Variants in CREB5 observed in about 807,000 individuals in gnomAD.
CREB5 encodes the protein cAMP responsive element binding protein 5.
Under a neutral mutation model 57.1 loss-of-function variants are expected in CREB5, and 19 were observed. That is an observed-to-expected ratio of 0.33 (90% confidence interval 0.23 to 0.49). CREB5 has a LOEUF of 0.49. CREB5 is among the 20% of genes least tolerant of loss of function. The probability of loss-of-function intolerance (pLI) is 0.99; values close to 1 mark genes in which losing one functional copy is unlikely to be tolerated. For synonymous variants in CREB5, 238 were observed against 238.3 expected, an observed-to-expected ratio of 1.00 and a Z score of 0.01; for missense variants, 579 against 671.6, an observed-to-expected ratio of 0.86 and a Z score of 1.52.
chr7:28,735,664 A>AG (rs760045071), intron 7 of CREB5, among the ~76,000 whole-genome samples: 1 of 152,254 alleles, frequency 6.6e-6, no homozygotes, highest in African/African-American at 2.4e-5. Context: ...AGGCTCCCTG[A>AG]GGGGGAGGGA....
rs183022867 is a variant in CREB5 at position 28,637,590 on chromosome 7, C to A, written c.464+67053C>A. Among the ~76,000 whole-genome samples the A allele has an allele frequency of 7.2e-4, 109 of 152,210 alleles. 1 individual carries two copies. Among genetic ancestry groups the A allele is most frequent in the Admixed American group, 2.7e-3 (41 of 15,280 alleles). ...TAGGAAAAGCTTTTCTGGAAAGTGACGTTTCAGATGAGACCCCAAGGATCA... is the reference window on the plus strand; with the variant it reads ...TAGGAAAAGCTTTTCTGGAAAGTGAAGTTTCAGATGAGACCCCAAGGATCA... On this transcript the variant is annotated intron_variant, in intron 5 of 10. Transcript: ENST00000357727.
rs774339069 is a variant in CREB5, at chr7:28,686,121, A to C, written c.465-32632A>C. The stretch of plus-strand genomic sequence containing the variant: ...CTCAAGCTAGTTAAGCTTTGGCTCA[A>C]ATTCTACACACACTCATTCCAGAGC... On this transcript the variant is annotated intron_variant, in intron 5 of 10. Transcript: ENST00000357727. 3.1e-6 allele frequency: 5 copies of C among 1,612,564 alleles called. No homozygotes were observed. The South Asian group carries it at 5.5e-5, about 18-fold the overall frequency.
chr7:28,485,601 G>T (rs1441604889), intron 1 of CREB5, among the ~76,000 whole-genome samples: 1 of 152,080 alleles, frequency 6.6e-6, no homozygotes, highest in Non-Finnish European at 1.5e-5. Flanking sequence ...AAGGAATGCG[G>T]TTGCTGAAGT....
chr7:28,550,305 C>T (rs1487796555), intron 4 of CREB5, among the ~76,000 whole-genome samples: 1 of 152,268 alleles, frequency 6.6e-6, no homozygotes, highest in African/African-American at 2.4e-5. Flanking sequence ...AAACACTAAA[C>T]ACCAAGCCTA....
chr7:28,529,610 A>G (rs1321295710), intron 4 of CREB5, among the ~76,000 whole-genome samples: 1 of 152,218 alleles, frequency 6.6e-6, no homozygotes, highest in Admixed American at 6.5e-5. Flanking sequence ...GTGGGAAAAT[A>G]AAGAACAAAA....
chr7:28,816,595 A>T (rs1007707053), intron 9 of CREB5, among the ~76,000 whole-genome samples: 1 of 138,962 alleles, frequency 7.2e-6, no homozygotes, highest in Non-Finnish European at 1.6e-5. Flanking sequence ...TTTGTTATTA[A>T]TGTTACTCAA....
chr7:28,646,883 AGG>A (rs1197802004), intron 5 of CREB5, among the ~76,000 whole-genome samples: 1 of 152,056 alleles, frequency 6.6e-6, no homozygotes, highest in African/African-American at 2.4e-5. Context: ...GTACAACAAC[AGG>A]AGCAACAATA....
At chr7:28,459,052 C>T (rs177580) in intron 1 of CREB5, among the ~76,000 whole-genome samples, 68,716 of 151,964 alleles carry the variant, frequency 0.45, 15,850 homozygotes, top group South Asian at 0.54. Context: ...CCTGCCAAGA[C>T]GAACTGTAGC....
At chr7:28,634,418 T>A (rs1302220107) in intron 5 of CREB5, among the ~76,000 whole-genome samples, 1 of 152,220 alleles carries the variant, frequency 6.6e-6, no homozygotes, top group Non-Finnish European at 1.5e-5. Flanking sequence ...AAAAATATTT[T>A]AAAATGTATA....
chr7:28,645,081 C>T (rs1562546427), intron 5 of CREB5, among the ~76,000 whole-genome samples: 1 of 152,112 alleles, frequency 6.6e-6, no homozygotes, highest in Non-Finnish European at 1.5e-5. Context: ...CTGATTGCAG[C>T]CCCCCAACCC....
At chr7:28,658,908 C>T (rs1408262329) in intron 5 of CREB5, among the ~76,000 whole-genome samples, 1 of 128,416 alleles carries the variant, frequency 7.8e-6, no homozygotes, top group East Asian at 2.4e-4. Flanking sequence ...TTGACTCGGT[C>T]TCTAATCTTT....
At chr7:28,603,889 T>C (rs1376681168) in intron 5 of CREB5, among the ~76,000 whole-genome samples, 3 of 152,170 alleles carry the variant, frequency 2.0e-5, no homozygotes, top group East Asian at 3.8e-4. Flanking sequence ...AGGAGAAATG[T>C]GTCCTCAAGG....
intron 3 of CREB5, among the ~76,000 whole-genome samples, chr7:28,497,486 T>C (rs948181480): frequency 6.6e-6 from 1 of 152,226 alleles, no homozygotes; most frequent in African/African-American, 2.4e-5. Flanking sequence ...ATGAGTATTA[T>C]ATTGACATAT....
At chr7:28,814,636 G>A (rs1019381846) in intron 9 of CREB5, among the ~76,000 whole-genome samples, 1 of 152,128 alleles carries the variant, frequency 6.6e-6, no homozygotes, top group African/African-American at 2.4e-5. Flanking sequence ...CTCAATAGAA[G>A]GTGACACAGA....
chr7:28,523,104 T>A (rs1420045061), intron 4 of CREB5, among the ~76,000 whole-genome samples: 1 of 152,234 alleles, frequency 6.6e-6, no homozygotes, highest in African/African-American at 2.4e-5. Context: ...TCTGCTTGAA[T>A]GACTGCCTTG....
intron 4 of CREB5, among the ~76,000 whole-genome samples, chr7:28,552,267 A>G (rs1455151681): frequency 6.6e-6 from 1 of 152,172 alleles, no homozygotes. Flanking sequence ...TTAACTCCTG[A>G]GCTCGAGCAA....
At chr7:28,423,449 C>T (rs1788359885) in intron 1 of CREB5, among the ~76,000 whole-genome samples, 1 of 152,208 alleles carries the variant, frequency 6.6e-6, no homozygotes, top group South Asian at 2.1e-4. Context: ...CAGTTAGGGG[C>T]TATTGTGGTT....
intron 5 of CREB5, among the ~76,000 whole-genome samples, chr7:28,680,898 G>A (rs796560959): frequency 1.3e-5 from 2 of 152,162 alleles, no homozygotes; most frequent in Non-Finnish European, 2.9e-5. Context: ...TAAAGTCCTG[G>A]TGGCAGTGTC....
intron 1 of CREB5, among the ~76,000 whole-genome samples, chr7:28,432,604 C>T (rs765749526): frequency 1.3e-5 from 2 of 152,124 alleles, no homozygotes; most frequent in African/African-American, 2.4e-5. Context: ...TAAGTCTTAA[C>T]GCTGGAATTC....
Sources: allele counts gnomAD v4.1 joint callset (sites outside exome capture counted in the v4.1 genomes callset), GRCh38; gene constraint gnomAD v4.1.1; transcripts MANE v1.5; gene names NCBI Gene and HGNC (gene_info 2026-07-23, HGNC 2026-07-21).